SEZ6L: variants seen among roughly 807,000 people sequenced by gnomAD.
The protein encoded by SEZ6L is seizure 6-like protein.
In SEZ6L, 37 loss-of-function variants were observed where a neutral mutation model predicts 106.2. That is an observed-to-expected ratio of 0.35 (90% CI 0.27 to 0.46). The LOEUF is 0.46. Among genes scored for constraint, SEZ6L ranks in the 20% least tolerant of loss-of-function variants. SEZ6L has a pLI of 1.00. For synonymous variants in SEZ6L, 541 were observed against 570.4 expected (o/e 0.95, Z 0.73); for missense variants, 1,172 against 1,332.8 (o/e 0.88, Z 1.88).
chr22:26,212,266 T>C (rs887064812), intron 1 of SEZ6L, among the ~76,000 whole-genome samples: 1 of 152,058 alleles, frequency 6.6e-6, no homozygotes, highest in Non-Finnish European at 1.5e-5. Flanking sequence ...AATGTAAAGG[T>C]TTTACAGTCC....
chr22:26,228,049 A>T (rs2078687650), intron 1 of SEZ6L, among the ~76,000 whole-genome samples: 1 of 152,200 alleles, frequency 6.6e-6, no homozygotes, highest in Admixed American at 6.5e-5. Context: ...CTCTACATTC[A>T]CTTACTTAAC....
chr22:26,340,461 T>C lies in SEZ6L; in HGVS notation c.2041T>C (p.Leu681=). ...CCTGAATCTGAGCAACAGTGACATC[T>C]TGACCATCTACGATGGCGACGAGGT... is the stretch of plus-strand genomic sequence containing the variant. ...QFLNLSNSDI[L]TIYDGDEVMP... is the part of the protein sequence containing the mutation. Residue 681 remains leucine (L), a synonymous_variant, in exon 10 of 17, where the codon TTG becomes CTG. Transcript: ENST00000248933. The C allele has an allele frequency of 1.2e-6, 2 of 1,613,844 alleles. No individual in the cohort carries two copies. The highest frequency in any genetic ancestry group is 1.7e-6 in the Non-Finnish European group (2 of 1,179,896).
At chr22:26,189,830 G>A (rs966794843) in intron 1 of SEZ6L, among the ~76,000 whole-genome samples, 1 of 152,112 alleles carries the variant, frequency 6.6e-6, no homozygotes. Flanking sequence ...AGGTGCGGTG[G>A]CTCACGCCGG....
chr22:26,377,829 C>T (rs2084280959), intron 16 of SEZ6L, 54 bp downstream of exon 16: 1 of 1,300,744 alleles, frequency 7.7e-7, no homozygotes, highest in Admixed American at 1.7e-5. Context: ...GCTCTGAATT[C>T]ACCAACAATA....
At chr22:26,293,276 CTA>C in intron 2 of SEZ6L, 130 bp downstream of exon 2, 1 of 1,289,260 alleles carries the variant, frequency 7.8e-7, no homozygotes, top group Non-Finnish European at 1.0e-6. Context: ...TGAGCACTGA[CTA>C]TGAGCTTCGC....
At chr22:26,280,457 G>A (rs2080725300) in intron 1 of SEZ6L, among the ~76,000 whole-genome samples, 1 of 152,022 alleles carries the variant, frequency 6.6e-6, no homozygotes, top group Non-Finnish European at 1.5e-5. Context: ...ATGTAGCCTT[G>A]TTTTATCTCC....
intron 13 of SEZ6L, among the ~76,000 whole-genome samples, chr22:26,368,675 A>C (rs1820315254): frequency 6.6e-6 from 1 of 152,170 alleles, no homozygotes; most frequent in Admixed American, 6.5e-5. Context: ...ACCATTGTGA[A>C]TATGCTGAAT....
chr22:26,256,597 G>T (rs1020124252), intron 1 of SEZ6L, among the ~76,000 whole-genome samples: 1 of 152,226 alleles, frequency 6.6e-6, no homozygotes, highest in Non-Finnish European at 1.5e-5. Context: ...CCAGGCATAA[G>T]GATTGTTGAA....
chr22:26,253,365 C>A (rs553976408), intron 1 of SEZ6L, among the ~76,000 whole-genome samples: 105 of 152,286 alleles, frequency 6.9e-4, no homozygotes, highest in African/African-American at 2.3e-3. Flanking sequence ...ACTGCTGCTG[C>A]TGCTGATGAT....
chr22:26,292,982 C>A lies in SEZ6L; in HGVS notation c.671C>A (p.Pro224His). Residue 224 changes from proline to histidine, a missense_variant, in exon 2 of 17, where the codon CCT (proline) becomes CAT (histidine). Coordinates refer to ENST00000248933, the MANE Select transcript of SEZ6L (RefSeq NM_021115.5). ...TLPQRPEPGE[P>H]GPDMAQEAPQ... ...CCCCAGAGGCCAGAACCCGGGGAGC[C>A]TGGGCCTGACATGGCCCAGGAGGCC... The A allele has an allele frequency of 6.2e-7, 1 of 1,613,954 alleles. No individual in the cohort carries two copies. Among genetic ancestry groups the A allele is most frequent in the South Asian group, 1.1e-5 (1 of 91,068 alleles).
intron 2 of SEZ6L, among the ~76,000 whole-genome samples, chr22:26,293,556 G>A (rs1310905943): frequency 1.3e-5 from 2 of 152,026 alleles, no homozygotes; most frequent in Admixed American, 6.6e-5. Flanking sequence ...GGAACTCCTG[G>A]GCTCAAGCAA....
chr22:26,301,092 A>G (rs2081439215), intron 5 of SEZ6L, among the ~76,000 whole-genome samples: 1 of 152,222 alleles, frequency 6.6e-6, no homozygotes, highest in African/African-American at 2.4e-5. Context: ...CAGCAATGCC[A>G]TAGGATGGGA....
At chr22:26,303,717 G>A (rs1478324123) in intron 5 of SEZ6L, among the ~76,000 whole-genome samples, 1 of 152,194 alleles carries the variant, frequency 6.6e-6, no homozygotes, top group Non-Finnish European at 1.5e-5. Flanking sequence ...TGCTGGTAGT[G>A]TGACTGAAAG....
At position 26,350,209 on chromosome 22, in the gene SEZ6L, C is replaced by T. The variant is rs1056137376; in HGVS notation, c.2408-843C>T. ...GTGTGTGTGTGTATATATATATATA[C>T]ACATATATATATATATATATTTATA... On this transcript the variant is annotated intron_variant, in intron 11 of 16. Coordinates refer to ENST00000248933, the MANE Select transcript of SEZ6L (RefSeq NM_021115.5). Among the ~76,000 whole-genome samples the T allele has an allele frequency of 7.3e-3, 933 of 127,874 alleles. 11 individuals are homozygous for T. Among genetic ancestry groups the T allele is most frequent in the African/African-American group, 0.031 (881 of 28,308 alleles). The allele number at this position is 127,874 out of a possible 152,430, so 83.9% of individuals were successfully genotyped here.
chr22:26,295,542 C>A (rs528850038), intron 3 of SEZ6L, among the ~76,000 whole-genome samples: 14 of 152,120 alleles, frequency 9.2e-5, no homozygotes, highest in Admixed American at 2.0e-4. Context: ...AAGTGTGTGG[C>A]ACATTGTAGG....
rs141695407 is a variant in SEZ6L, at chr22:26,292,898, C to G, written c.587C>G (p.Thr196Arg). Residue 196 changes from threonine (T) to arginine (R), a missense_variant, in exon 2 of 17, where the codon ACA (threonine) becomes AGA (arginine). By Grantham distance (71) the Thr-to-Arg change is moderately conservative. Coordinates refer to ENST00000248933, the MANE Select transcript of SEZ6L (RefSeq NM_021115.5). ...LDRKESAVPT[T>R]PAPLQISPFT... is the part of the protein sequence containing the mutation. ...CGAAAGGAGAGTGCGGTCCCTACAA[C>G]ACCCGCACCCCTGCAAATCTCCCCC... 212 of 1,614,060 alleles carry G rather than the reference C, an allele frequency of 1.3e-4. No homozygotes were observed. Among genetic ancestry groups the G allele is most frequent in the Non-Finnish European group, 1.7e-4 (197 of 1,180,012 alleles).
At chr22:26,218,691 C>T (rs2078367817) in intron 1 of SEZ6L, among the ~76,000 whole-genome samples, 1 of 149,690 alleles carries the variant, frequency 6.7e-6, no homozygotes, top group African/African-American at 2.5e-5. Context: ...AAACCCAGCA[C>T]TTTGGGAGGC....
intron 1 of SEZ6L, among the ~76,000 whole-genome samples, chr22:26,215,149 A>T (rs1360803746): frequency 6.6e-6 from 1 of 152,206 alleles, no homozygotes; most frequent in African/African-American, 2.4e-5. Flanking sequence ...TAACTTTGTA[A>T]TTTACTTAAA....
intron 9 of SEZ6L, among the ~76,000 whole-genome samples, chr22:26,338,860 T>TTTTTTC (rs1556362495): frequency 0.085 from 7,878 of 92,788 alleles, 597 homozygotes; most frequent in African/African-American, 0.096. Context: ...CCGGACTTTT[T>TTTTTTC]TTTTTTCTTT....
Sources: gnomAD v4.1 joint callset for allele counts (sites outside exome capture counted in the v4.1 genomes callset) on GRCh38, gnomAD v4.1.1 for gene constraint, MANE v1.5 for transcripts, NCBI Gene and HGNC (gene_info 2026-07-23, HGNC 2026-07-21) for gene names.